Variants in AMER2 observed in about 807,000 individuals in gnomAD.
AMER2 encodes APC membrane recruitment protein 2, also known as family with sequence similarity 123A.
AMER2 carries 1 observed loss-of-function variant against 4.7 expected under a neutral mutation model. The ratio of observed to expected loss-of-function variants is 0.21; its 90% CI spans 0.07 to 1.00. The LOEUF is 1.00. Ranked by LOEUF, AMER2 falls within the 50% of genes least tolerant of loss-of-function variation. The pLI is 0.60. For synonymous variants in AMER2, 485 were observed against 433.3 expected (o/e 1.12, Z -1.48); for missense variants, 988 against 966.9 (o/e 1.02, Z -0.29).
chr13:25,169,400 C>G lies in AMER2; in HGVS notation c.*204G>C. 1.9e-6 allele frequency: 1 copy of G among 525,092 alleles called. No homozygotes were observed. Among genetic ancestry groups the G allele is most frequent in the African/African-American group, 1.9e-5 (1 of 51,434 alleles). 32.5% of individuals were successfully genotyped at this position (525,092 alleles called of 1,614,324 possible). A position where few individuals can be genotyped will look rare whatever the true frequency, so the allele number is the denominator to read the frequency against. On this transcript the variant is annotated 3_prime_UTR_variant, in exon 1 of 1. Transcript: ENST00000515384. This position sits in a 1 kb window ranked among gnomAD's most constrained non-coding sequence, Gnocchi z 4.2. ...CAGGGACTTATCTTGAGAGGAGAAA[C>G]CCCCGTGTAGCATCCCTCTTTCTGG...
chr13:25,170,866 TG>T lies in AMER2; in HGVS notation c.753del (p.Ser252AlafsTer76). 6.9e-7 allele frequency: 1 copy of T among 1,456,672 alleles called. No individual in the cohort carries two copies. The highest frequency in any genetic ancestry group is 9.0e-7 in the Non-Finnish European group (1 of 1,113,374). The allele number at this position is 1,456,672 out of a possible 1,614,324, so 90.2% of individuals were successfully genotyped here. A position where few individuals can be genotyped will look rare whatever the true frequency, so the allele number is the denominator to read the frequency against. ...GCTGGGTCTCGCGGGGCGTCCTGGC[TG>T]GGCTCCTCCGGCTCGCGCGCGGCTC... ...TPRAAREPEE[P>X]SQDAPRDPAG... On this transcript the variant is annotated frameshift_variant, in exon 1 of 1. Transcript: ENST00000515384. LOFTEE classifies it low-confidence loss of function (END_TRUNC). This position sits in a 1 kb window ranked among gnomAD's most constrained non-coding sequence, Gnocchi z 7.3.
At position 25,169,883 on chromosome 13, in the gene AMER2, G is replaced by A; in HGVS notation, c.1737C>T (p.Ser579=). ...LPGGKDNEET[S]SLSRLKPVSP... ...ATACGGGCTTTAACCGGGACAGGGA[G>A]GACGTCTCCTCGTTGTCCTTCCCTC... Residue 579 remains serine, a synonymous_variant, in exon 1 of 1, where the codon TCC becomes TCT. Coordinates refer to ENST00000515384, the MANE Select transcript of AMER2 (RefSeq NM_152704.4). The surrounding 1 kb of genome is among the most constrained non-coding windows in gnomAD (Gnocchi z 4.2). 2 of 1,614,164 alleles carry A rather than the reference G, an allele frequency of 1.2e-6. No individual in the cohort carries two copies. Among genetic ancestry groups the A allele is most frequent in the Non-Finnish European group, 1.7e-6 (2 of 1,180,014 alleles).
In AMER2 at chr13:25,170,024, T is replaced by G. The variant is rs201109931; in HGVS notation, c.1596A>C (p.Pro532=). ...TCCCGCTGCTCGAGCTGTCTTCCTC[T>G]GGGCCTGGCGTGGTGGAGTCCCAGT... ...EGYWDSTTPG[P]EEDSSSSGKK... is the part of the protein sequence containing the mutation. Residue 532 remains proline (P), a synonymous_variant, in exon 1 of 1, where the codon CCA becomes CCC. Coordinates refer to ENST00000515384, the MANE Select transcript of AMER2 (RefSeq NM_152704.4). This position sits in a 1 kb window ranked among gnomAD's most constrained non-coding sequence, Gnocchi z 7.3. 1.7e-5 allele frequency: 28 copies of G among 1,613,914 alleles called. No individual in the cohort carries two copies. Among genetic ancestry groups the G allele is most frequent in the Non-Finnish European group, 2.4e-5 (28 of 1,179,934 alleles).
chr13:25,164,596 C>T lies in AMER2; in HGVS notation c.*5008G>A, dbSNP rs542173220. 6.7e-6 allele frequency: 1 copy of T among 150,028 alleles called. No homozygotes were observed. The highest frequency in any genetic ancestry group is 1.5e-5 in the Non-Finnish European group (1 of 67,742). 9.3% of individuals were successfully genotyped at this position (150,028 alleles called of 1,614,324 possible). ...AGGGGAAAAGAGAGAGAGAGACAGA[C>T]AGACAGAGATGGAAAGGGATAGAAA... On this transcript the variant is annotated 3_prime_UTR_variant, in exon 1 of 1. Transcript: ENST00000515384.
chr13:25,170,306 C>T lies in AMER2; in HGVS notation c.1314G>A (p.Glu438=). Residue 438 remains glutamate (E), a synonymous_variant, in exon 1 of 1, where the codon GAG becomes GAA. Coordinates refer to ENST00000515384, the MANE Select transcript of AMER2 (RefSeq NM_152704.4). The surrounding 1 kb of genome is among the most constrained non-coding windows in gnomAD (Gnocchi z 7.3). ...PDEVDDTYLQ[E]FWDMLSQTEE... ...CGGTCTGGGAGAGCATGTCCCAGAA[C>T]TCCTGTAGATAGGTGTCGTCCACCT... The T allele has an allele frequency of 6.2e-7, 1 of 1,613,948 alleles. No homozygotes were observed. The highest frequency in any genetic ancestry group is 8.5e-7 in the Non-Finnish European group (1 of 1,180,004).
In AMER2 at chr13:25,170,924, G is replaced by C. The variant is rs1441880193; in HGVS notation, c.696C>G (p.Ala232=). 1 of 1,488,064 alleles carries C rather than the reference G, an allele frequency of 6.7e-7. No individual in the cohort carries two copies. The highest frequency in any genetic ancestry group is 8.9e-7 in the Non-Finnish European group (1 of 1,124,742). 92.2% of individuals were successfully genotyped at this position (1,488,064 alleles called of 1,614,324 possible). ...TCTCCTCCTTGACGCACTCCAGGCT[G>C]GCGGTGAGCGAGCCGGGTAGGATCA... ...GGLILPGSLT[A]SLECVKEETP... is the part of the protein sequence containing the mutation. Residue 232 remains alanine, a synonymous_variant, in exon 1 of 1, where the codon GCC becomes GCG. Coordinates refer to ENST00000515384, the MANE Select transcript of AMER2 (RefSeq NM_152704.4). This position sits in a 1 kb window ranked among gnomAD's most constrained non-coding sequence, Gnocchi z 7.3.
chr13:25,171,985 CAA>C lies in AMER2; in HGVS notation c.-368_-367del, dbSNP rs1477671805. On this transcript the variant is annotated 5_prime_UTR_variant, in exon 1 of 1. Transcript: ENST00000515384. This position sits in a 1 kb window ranked among gnomAD's most constrained non-coding sequence, Gnocchi z 5.9. ...GATCACGAAATGCCTCTAAAAACGA[CAA>C]CGCAATTCAACCCACCACAAAATGC... The C allele has an allele frequency of 1.6e-5, 4 of 254,408 alleles. No individual in the cohort carries two copies. Among genetic ancestry groups the C allele is most frequent in the Admixed American group, 5.6e-5 (1 of 17,974 alleles). The allele number at this position is 254,408 out of a possible 1,614,324, so 15.8% of individuals were successfully genotyped here.
rs1956521176 is a variant in AMER2, at chr13:25,169,464, G to C, written c.*140C>G. On this transcript the variant is annotated 3_prime_UTR_variant, in exon 1 of 1. Transcript: ENST00000515384. This position sits in a 1 kb window ranked among gnomAD's most constrained non-coding sequence, Gnocchi z 4.2. ...CTGCTCAGGGCACAAAGACCTCCTC[G>C]GTCCACGCTCTGGAGCAGGGCGGGG... 1 of 1,167,254 alleles carries C rather than the reference G, an allele frequency of 8.6e-7. No homozygotes were observed. The highest frequency in any genetic ancestry group is 1.8e-5 in the South Asian group (1 of 55,556). 72.3% of individuals were successfully genotyped at this position (1,167,254 alleles called of 1,614,324 possible).
Position 25,170,882 on chromosome 13 carries a change from G to C in AMER2, c.738C>G (p.Arg246=). Residue 246 remains arginine, a synonymous_variant, in exon 1 of 1, where the codon CGC becomes CGG. Transcript: ENST00000515384. The surrounding 1 kb of genome is among the most constrained non-coding windows in gnomAD (Gnocchi z 7.3). The part of the protein sequence containing the change: ...CVKEETPRAA[R]EPEEPSQDAP... ...CGTCCTGGCTGGGCTCCTCCGGCTC[G>C]CGCGCGGCTCTGGGCGTCTCCTCCT... 4.8e-6 allele frequency: 7 copies of C among 1,456,600 alleles called. No individual in the cohort carries two copies. Among genetic ancestry groups the C allele is most frequent in the South Asian group, 2.9e-5 (2 of 69,456 alleles). 90.2% of individuals were successfully genotyped at this position (1,456,600 alleles called of 1,614,324 possible).
Position 25,163,424 on chromosome 13 carries a change from G to A in AMER2, c.*6180C>T, listed in dbSNP as rs548409784. 3 of 152,194 alleles carry A rather than the reference G, an allele frequency of 2.0e-5. No homozygotes were observed. The highest frequency in any genetic ancestry group is 2.1e-4 in the South Asian group (1 of 4,818). 9.4% of individuals were successfully genotyped at this position (152,194 alleles called of 1,614,324 possible). A position where few individuals can be genotyped will look rare whatever the true frequency, so the allele number is the denominator to read the frequency against. ...GCATTACTCATAATAGCCAAGATGT[G>A]GAAATAATCTAAACGTCTGTCAGTA... On this transcript the variant is annotated 3_prime_UTR_variant, in exon 1 of 1. Transcript: ENST00000515384.
In AMER2 at chr13:25,169,926, C is replaced by T. The variant is rs1266627714; in HGVS notation, c.1694G>A (p.Ser565Asn). The change falls in exon 1 of 1, where the codon AGT (serine) becomes AAT (asparagine). Residue 565 changes from serine to asparagine, a missense_variant. Transcript: ENST00000515384. This position sits in a 1 kb window ranked among gnomAD's most constrained non-coding sequence, Gnocchi z 4.2. ...CTTCCCTCCAGGAAGGGTTGCTGGA[C>T]TTCCGTCCGGGTCAGCATAGAGATC... is the stretch of plus-strand genomic sequence containing the variant. ...LYDLYADPDG[S>N]PATLPGGKDN... 1.9e-6 allele frequency: 3 copies of T among 1,614,164 alleles called. No homozygotes were observed. The highest frequency in any genetic ancestry group is 1.7e-5 in the Admixed American group (1 of 60,024).
In AMER2 at chr13:25,170,620, C is replaced by G. The variant is rs1417010736; in HGVS notation, c.1000G>C (p.Asp334His). The G allele has an allele frequency of 6.4e-7, 1 of 1,568,646 alleles. No individual in the cohort carries two copies. The highest frequency in any genetic ancestry group is 8.6e-7 in the Non-Finnish European group (1 of 1,156,268). ...AVPVKTVPLV[D>H]SEGGSGRAPA... is the part of the protein sequence containing the mutation. ...GCCCGGCCGCTGCCGCCTTCGGAGT[C>G]GACAAGGGGGACCGTCTTTACGGGA... Residue 334 changes from aspartate to histidine, a missense_variant, in exon 1 of 1, where the codon GAC (aspartate) becomes CAC (histidine). By Grantham distance (81) the Asp-to-His change is moderately conservative. Transcript: ENST00000515384. This position sits in a 1 kb window ranked among gnomAD's most constrained non-coding sequence, Gnocchi z 7.3.
rs1290165349 is a variant in AMER2, at chr13:25,167,522, G to A, written c.*2082C>T. 2 of 152,170 alleles carry A rather than the reference G, an allele frequency of 1.3e-5. No individual in the cohort carries two copies. The highest frequency in any genetic ancestry group is 4.8e-5 in the African/African-American group (2 of 41,454). 9.4% of individuals were successfully genotyped at this position (152,170 alleles called of 1,614,324 possible). A position where few individuals can be genotyped will look rare whatever the true frequency, so the allele number is the denominator to read the frequency against. ...TCTGTTAGTCTGTACACAGTTGAGT[G>A]CATGAGCACGTGAGTGTGAGATGCT... On this transcript the variant is annotated 3_prime_UTR_variant, in exon 1 of 1. Transcript: ENST00000515384.
In AMER2 at chr13:25,162,005, T is replaced by TC. The variant is rs200250933; in HGVS notation, c.*7598dup. 1.3e-5 allele frequency: 2 copies of TC among 152,220 alleles called. No homozygotes were observed. Among genetic ancestry groups the TC allele is most frequent in the Admixed American group, 1.3e-4 (2 of 15,276 alleles). The allele number at this position is 152,220 out of a possible 1,614,324, so 9.4% of individuals were successfully genotyped here. ...GGAAAGACCCTATTGCTATTTAGAA[T>TC]CCTTTTTAAAACAAGTTTTTAAAAC... On this transcript the variant is annotated 3_prime_UTR_variant, in exon 1 of 1. Coordinates refer to ENST00000515384, the MANE Select transcript of AMER2 (RefSeq NM_152704.4).
Position 25,166,387 on chromosome 13 carries a change from T to G in AMER2, c.*3217A>C, listed in dbSNP as rs1349233248. 2 of 152,228 alleles carry G rather than the reference T, an allele frequency of 1.3e-5. No individual in the cohort carries two copies. The allele number at this position is 152,228 out of a possible 1,614,324, so 9.4% of individuals were successfully genotyped here. A position where few individuals can be genotyped will look rare whatever the true frequency, so the allele number is the denominator to read the frequency against. ...ATTTAAAATGCTGTAGTAAAATTTC[T>G]CCCAATTGGTGCTAATGGCAGGATA... On this transcript the variant is annotated 3_prime_UTR_variant, in exon 1 of 1. Coordinates refer to ENST00000515384, the MANE Select transcript of AMER2 (RefSeq NM_152704.4).
In AMER2 at chr13:25,170,975, C is replaced by G. The variant is rs201125341; in HGVS notation, c.645G>C (p.Ala215=). The G allele has an allele frequency of 6.5e-7, 1 of 1,549,840 alleles. No homozygotes were observed. The highest frequency in any genetic ancestry group is 1.4e-5 in the African/African-American group (1 of 70,438). The part of the protein sequence containing the change: ...RKDKRAKAEA[A]EGRAPGGGLI... ...AGCCGCCCCCGGGCGCGCGCCCCTCCGCGGCCTCCGCCTTGGCCCGCTTGT... is the reference window on the plus strand; with the variant it reads ...AGCCGCCCCCGGGCGCGCGCCCCTCGGCGGCCTCCGCCTTGGCCCGCTTGT... The change falls in exon 1 of 1, where the codon GCG becomes GCC. Residue 215 remains alanine, a synonymous_variant. Transcript: ENST00000515384. The surrounding 1 kb of genome is among the most constrained non-coding windows in gnomAD (Gnocchi z 7.3).
Position 25,170,840 on chromosome 13 carries a change from T to C in AMER2, c.780A>G (p.Ala260=), listed in dbSNP as rs1956555880. The C allele has an allele frequency of 1.4e-5, 20 of 1,442,324 alleles. No individual in the cohort carries two copies. The highest frequency in any genetic ancestry group is 1.6e-5 in the Non-Finnish European group (18 of 1,106,916). 89.3% of individuals were successfully genotyped at this position (1,442,324 alleles called of 1,614,324 possible). A position where few individuals can be genotyped will look rare whatever the true frequency, so the allele number is the denominator to read the frequency against. Residue 260 remains alanine, a synonymous_variant, in exon 1 of 1, where the codon GCA becomes GCG. Transcript: ENST00000515384. This position sits in a 1 kb window ranked among gnomAD's most constrained non-coding sequence, Gnocchi z 7.3. ...EPSQDAPRDP[A]GEPAGGEEVP... ...CCTCCTCTCCCCCTGCGGGCTCACC[T>C]GCTGGGTCTCGCGGGGCGTCCTGGC...
At position 25,163,948 on chromosome 13, in the gene AMER2, A is replaced by C. The variant is rs1007665382; in HGVS notation, c.*5656T>G. The C allele has an allele frequency of 2.6e-5, 4 of 152,148 alleles. No homozygotes were observed. The highest frequency in any genetic ancestry group is 9.7e-5 in the African/African-American group (4 of 41,374). The allele number at this position is 152,148 out of a possible 1,614,324, so 9.4% of individuals were successfully genotyped here. A position where few individuals can be genotyped will look rare whatever the true frequency, so the allele number is the denominator to read the frequency against. On this transcript the variant is annotated 3_prime_UTR_variant, in exon 1 of 1. Transcript: ENST00000515384. The stretch of plus-strand genomic sequence containing the variant: ...TGGTGAAACCCTGTCTCTACTAAAA[A>C]TACAAAAACTAACGGGCATGGTGGT...
rs1593682687 is a variant in AMER2 at position 25,166,175 on chromosome 13, T to C, written c.*3429A>G. 1 of 152,222 alleles carries C rather than the reference T, an allele frequency of 6.6e-6. No individual in the cohort carries two copies. Among genetic ancestry groups the C allele is most frequent in the Admixed American group, 6.5e-5 (1 of 15,278 alleles). The allele number at this position is 152,222 out of a possible 1,614,324, so 9.4% of individuals were successfully genotyped here. On this transcript the variant is annotated 3_prime_UTR_variant, in exon 1 of 1. Coordinates refer to ENST00000515384, the MANE Select transcript of AMER2 (RefSeq NM_152704.4). ...CACGGTGAGTTATTACCTTCATAGA[T>C]ATTAAACCCTTTGTATTTAAATAAG...
Sources: allele counts gnomAD v4.1 joint callset, GRCh38; gene constraint gnomAD v4.1.1; non-coding constraint Gnocchi (gnomAD v3.1); transcripts MANE v1.5; gene names NCBI Gene and HGNC (gene_info 2026-07-23, HGNC 2026-07-21).